TENM4: variants seen among roughly 807,000 people sequenced by gnomAD.
TENM4 encodes teneurin transmembrane protein 4, also known as teneurin-4.
In TENM4, 82 loss-of-function variants were observed where a neutral mutation model predicts 243.3. The ratio of observed to expected loss-of-function variants is 0.34; its 90% CI spans 0.28 to 0.40. The LOEUF is 0.40. Among genes scored for constraint, TENM4 ranks in the 10% least tolerant of loss-of-function variants. The probability of loss-of-function intolerance (pLI) is 1.00; values close to 1 mark genes in which losing one functional copy is unlikely to be tolerated. For synonymous variants in TENM4, 1,412 were observed against 1,456.3 expected, an observed-to-expected ratio of 0.97 and a Z score of 0.69; for missense variants, 3,138 against 3,673.3, an observed-to-expected ratio of 0.85 and a Z score of 3.77.
chr11:78,658,094 G>A lies in TENM4; in HGVS notation c.8274C>T (p.Ile2758=), dbSNP rs1261215190. 1.9e-6 allele frequency: 3 copies of A among 1,613,668 alleles called. No homozygotes were observed. Among genetic ancestry groups the A allele is most frequent in the Non-Finnish European group, 2.5e-6 (3 of 1,179,798 alleles). Residue 2758 remains isoleucine, a synonymous_variant, in exon 34 of 34, where the codon ATC becomes ATT. Transcript: ENST00000278550. ...YPELSDSANN[I]HFMRQSEMGR... ...CCATCTCGCTCTGTCTCATGAAGTG[G>A]ATGTTGTTGGCGCTGTCTGACAGTT...
chr11:79,432,514 C>G (rs1309012094), intron 1 of TENM4, among the ~76,000 whole-genome samples: 1 of 152,162 alleles, frequency 6.6e-6, no homozygotes, highest in Non-Finnish European at 1.5e-5. Context: ...TCAATACAAG[C>G]CCTTCACATT....
intron 6 of TENM4, among the ~76,000 whole-genome samples, chr11:78,966,903 A>G (rs529413990): frequency 1.3e-5 from 2 of 152,198 alleles, no homozygotes; most frequent in South Asian, 2.1e-4. Flanking sequence ...CCAAGTTTGC[A>G]GAGCTCTAGG....
At chr11:79,219,655 G>A (rs1301024455) in intron 2 of TENM4, among the ~76,000 whole-genome samples, 1 of 152,158 alleles carries the variant, frequency 6.6e-6, no homozygotes, top group Non-Finnish European at 1.5e-5. Context: ...TCCAAACCCT[G>A]TTCTTTTCCT....
intron 25 of TENM4, among the ~76,000 whole-genome samples, chr11:78,717,690 A>G (rs1460074731): frequency 6.6e-6 from 1 of 152,260 alleles, no homozygotes; most frequent in African/African-American, 2.4e-5. Context: ...TTCCTTTAGA[A>G]ACTACTAGAA....
At chr11:78,832,115 T>A (rs773062199) in intron 12 of TENM4, among the ~76,000 whole-genome samples, 1 of 152,212 alleles carries the variant, frequency 6.6e-6, no homozygotes, top group Non-Finnish European at 1.5e-5. Flanking sequence ...CCCGCTCTCA[T>A]TCCCAGCCAG....
chr11:79,386,225 G>A (rs2135532892), intron 1 of TENM4, among the ~76,000 whole-genome samples: 1 of 152,182 alleles, frequency 6.6e-6, no homozygotes. Context: ...GCAAAACAAT[G>A]AACCTTGATC....
At chr11:79,025,549 T>G (rs1249240214) in intron 6 of TENM4, among the ~76,000 whole-genome samples, 9 of 152,126 alleles carry the variant, frequency 5.9e-5, no homozygotes, top group African/African-American at 1.9e-4. Flanking sequence ...CATTTAGCCT[T>G]TGGCAAGGAT....
At chr11:78,767,847 G>A (rs1288071715) in intron 18 of TENM4, among the ~76,000 whole-genome samples, 1 of 152,164 alleles carries the variant, frequency 6.6e-6, no homozygotes, top group Non-Finnish European at 1.5e-5. Flanking sequence ...TGAGTCATCT[G>A]GATGACAATT....
intron 1 of TENM4, among the ~76,000 whole-genome samples, chr11:79,413,368 T>C (rs1173664050): frequency 6.9e-6 from 1 of 145,780 alleles, no homozygotes; most frequent in Non-Finnish European, 1.5e-5. Flanking sequence ...TTCAGCTCCT[T>C]GGACTCCATA....
At chr11:79,138,403 TAAATA>T (rs1862161065) in intron 4 of TENM4, among the ~76,000 whole-genome samples, 1 of 118,316 alleles carries the variant, frequency 8.5e-6, no homozygotes, top group Non-Finnish European at 1.6e-5. Context: ...TAGTTATATA[TAAATA>T]AAATATATAT....
At chr11:79,202,690 G>C (rs1323127387) in intron 3 of TENM4, among the ~76,000 whole-genome samples, 1 of 152,164 alleles carries the variant, frequency 6.6e-6, no homozygotes, top group Non-Finnish European at 1.5e-5. Flanking sequence ...TGGTGGATCT[G>C]CTCTAACTTC....
intron 7 of TENM4, among the ~76,000 whole-genome samples, chr11:78,892,062 G>A (rs1240937917): frequency 1.3e-5 from 2 of 152,178 alleles, no homozygotes; most frequent in Non-Finnish European, 2.9e-5. Context: ...TAGCGGTGCA[G>A]GGACCTGGGT....
At chr11:78,687,085 C>A (rs771688091) in intron 29 of TENM4, among the ~76,000 whole-genome samples, 1 of 152,154 alleles carries the variant, frequency 6.6e-6, no homozygotes, top group Non-Finnish European at 1.5e-5. Flanking sequence ...TAAAATTCAG[C>A]CCCCTTTCCC....
intron 6 of TENM4, among the ~76,000 whole-genome samples, chr11:78,997,004 G>A (rs1489441552): frequency 1.3e-5 from 2 of 152,204 alleles, no homozygotes; most frequent in African/African-American, 4.8e-5. Context: ...AGCCCCAAGG[G>A]GGGACCTTCA....
chr11:79,439,656 T>A (rs571860840), intron 1 of TENM4, among the ~76,000 whole-genome samples: 1 of 108,868 alleles, frequency 9.2e-6, no homozygotes, highest in African/African-American at 3.3e-5. Context: ...CGGTTGCGTG[T>A]GTGTGTCCAC....
chr11:79,410,199 A>C (rs1858668741), intron 1 of TENM4, among the ~76,000 whole-genome samples: 1 of 151,918 alleles, frequency 6.6e-6, no homozygotes, highest in Admixed American at 6.6e-5. Context: ...TCACTTCCTT[A>C]CTTTCTCAGC....
intron 12 of TENM4, among the ~76,000 whole-genome samples, chr11:78,835,493 A>C (rs1858082257): frequency 6.6e-6 from 1 of 152,168 alleles, no homozygotes; most frequent in Admixed American, 6.5e-5. Context: ...TGACAGAGCA[A>C]GACTCTGTCT....
In TENM4 at chr11:78,672,110, C is replaced by G. The variant is rs1206542988; in HGVS notation, c.5716G>C (p.Glu1906Gln). ...GTGATGCGGCCCGCCTGGTCGTATT[C>G]CATTCTTTCAGACATGATGCCCCTC... is the stretch of plus-strand genomic sequence containing the variant. ...IQRGIMSERM[E>Q]YDQAGRITSR... The change falls in exon 31 of 34, where the codon GAA becomes CAA. Residue 1906 changes from glutamate (E) to glutamine (Q), a missense_variant. By Grantham distance (29) the Glu-to-Gln change is conservative (BLOSUM62 2). Coordinates refer to ENST00000278550, the MANE Select transcript of TENM4 (RefSeq NM_001098816.3). The G allele has an allele frequency of 6.2e-7, 1 of 1,613,694 alleles. No individual in the cohort carries two copies. Among genetic ancestry groups the G allele is most frequent in the Non-Finnish European group, 8.5e-7 (1 of 1,179,858 alleles).
intron 25 of TENM4, 133 bp from the exon 26 acceptor site, chr11:78,712,847 G>C (rs1176828932): frequency 1.2e-6 from 1 of 862,672 alleles, no homozygotes; most frequent in Non-Finnish European, 1.7e-6. Flanking sequence ...CCTATTTTGG[G>C]TGATGGTTCC....
Sources: gnomAD v4.1 joint callset for allele counts (sites outside exome capture counted in the v4.1 genomes callset) on GRCh38, gnomAD v4.1.1 for gene constraint, MANE v1.5 for transcripts, NCBI Gene and HGNC (gene_info 2026-07-23, HGNC 2026-07-21) for gene names.